CHN2: variants seen among roughly 807,000 people sequenced by gnomAD.
CHN2 encodes the protein beta-chimaerin.
A neutral mutation model predicts 56.3 loss-of-function variants in CHN2; 35 were observed. That is an observed-to-expected ratio of 0.62 (90% CI 0.47 to 0.82). The LOEUF (loss-of-function observed/expected upper bound fraction) is 0.82, where lower values mean the gene tolerates loss of function less well. Ranked by LOEUF, CHN2 falls within the 40% of genes least tolerant of loss-of-function variation. The probability of loss-of-function intolerance (pLI) is 0.00; values close to 1 mark genes in which losing one functional copy is unlikely to be tolerated. For missense variants in CHN2, 491 were observed against 580.5 expected (o/e 0.85, Z 1.58); for synonymous variants, 210 against 212.8 (o/e 0.99, Z 0.12).
At chr7:29,485,705 G>A (rs763141017) in intron 7 of CHN2, among the ~76,000 whole-genome samples, 13 of 152,102 alleles carry the variant, frequency 8.5e-5, no homozygotes, top group Non-Finnish European at 4.4e-5. Context: ...GAGAGACCTC[G>A]GGGACAGAAA....
At chr7:29,361,404 C>G (rs950172308) in intron 2 of CHN2, among the ~76,000 whole-genome samples, 1 of 152,078 alleles carries the variant, frequency 6.6e-6, no homozygotes, top group Non-Finnish European at 1.5e-5. Context: ...GCCAGGTAAC[C>G]CAGATGGCAA....
chr7:29,400,713 A>T lies in CHN2; in HGVS notation c.461A>T (p.Glu154Val). 6.2e-7 allele frequency: 1 copy of T among 1,614,178 alleles called. No individual in the cohort carries two copies. Among genetic ancestry groups the T allele is most frequent in the Non-Finnish European group, 8.5e-7 (1 of 1,180,032 alleles). ...AAAATGACAACTAACCCCATCTATGAACACATTGGATATGCCACCCTACTC... is the reference window on the plus strand; with the variant it reads ...AAAATGACAACTAACCCCATCTATGTACACATTGGATATGCCACCCTACTC... ...ISKMTTNPIY[E>V]HIGYATLLRE... The change falls in exon 6 of 13, where the codon GAA becomes GTA. Residue 154 changes from glutamate to valine, a missense_variant. Coordinates refer to ENST00000222792, the MANE Select transcript of CHN2 (RefSeq NM_004067.4).
At chr7:29,407,780 A>G (rs570832007) in intron 6 of CHN2, among the ~76,000 whole-genome samples, 6 of 152,296 alleles carry the variant, frequency 3.9e-5, no homozygotes, top group African/African-American at 1.4e-4. Flanking sequence ...ATTGTTTTAA[A>G]CCAGAATTCC....
chr7:29,265,819 T>TGTAGTACAGA (rs1328833714), intron 1 of CHN2, among the ~76,000 whole-genome samples: 1 of 152,150 alleles, frequency 6.6e-6, no homozygotes, highest in Non-Finnish European at 1.5e-5. Context: ...TCTTGATGGA[T>TGTAGTACAGA]GAGCGTAACA....
At chr7:29,190,772 C>T (rs1017994426), upstream of CHN2, among the ~76,000 whole-genome samples, 2 of 152,112 alleles carry the variant, frequency 1.3e-5, no homozygotes, top group Admixed American at 6.5e-5. Context: ...CAGCTACTAA[C>T]GTGGAAAGGA....
At chr7:29,318,407 C>G (rs1795110337) in intron 1 of CHN2, among the ~76,000 whole-genome samples, 1 of 152,190 alleles carries the variant, frequency 6.6e-6, no homozygotes, top group South Asian at 2.1e-4. Context: ...CTCTCCAGCC[C>G]TTTACAGGAA....
In CHN2 at chr7:29,369,259, G is replaced by A. The variant is rs376717684; in HGVS notation, c.144+1272G>A. 9.9e-5 allele frequency among the ~76,000 whole-genome samples: 15 copies of A among 152,164 alleles called. No individual in the cohort carries two copies. The East Asian group carries it at 1.4e-3, about 14-fold the overall frequency. ...TTATTGCCATGTGTAAGGAGGTAGAGGAGTTTAAATGTCTCAATGAAAAAA... is the reference window on the plus strand; with the variant it reads ...TTATTGCCATGTGTAAGGAGGTAGAAGAGTTTAAATGTCTCAATGAAAAAA... On this transcript the variant is annotated intron_variant, in intron 3 of 12. Coordinates refer to ENST00000222792, the MANE Select transcript of CHN2 (RefSeq NM_004067.4).
intron 1 of CHN2, among the ~76,000 whole-genome samples, chr7:29,291,329 A>C (rs529246049): frequency 1.3e-5 from 2 of 152,190 alleles, no homozygotes; most frequent in African/African-American, 2.4e-5. Flanking sequence ...TATTTAAGAG[A>C]CAGATTAACA....
intron 6 of CHN2, among the ~76,000 whole-genome samples, chr7:29,476,253 T>C (rs1453447666): frequency 6.6e-6 from 1 of 152,068 alleles, no homozygotes; most frequent in Non-Finnish European, 1.5e-5. Flanking sequence ...ATATGCAAAG[T>C]GGGCCGGGTG....
intron 2 of CHN2, among the ~76,000 whole-genome samples, chr7:29,157,943 A>G (rs1404339693): frequency 6.6e-6 from 1 of 152,186 alleles, no homozygotes; most frequent in East Asian, 1.9e-4. Context: ...ACTGTTTCTC[A>G]TTTGTGATTC....
chr7:29,493,319 C>A (rs2128563604), intron 7 of CHN2, among the ~76,000 whole-genome samples: 1 of 152,202 alleles, frequency 6.6e-6, no homozygotes, highest in South Asian at 2.1e-4. Context: ...CTATGATGAT[C>A]CCCCTCAATG....
intron 1 of CHN2, among the ~76,000 whole-genome samples, chr7:29,295,314 A>AACACACACACACACACACACACAC (rs58693628): frequency 2.8e-5 from 4 of 144,962 alleles, no homozygotes; most frequent in Admixed American, 6.9e-5. Flanking sequence ...TTTAGCTGTG[A>AACACACACACACACACACACACAC]ACACACACAC....
At chr7:29,434,476 C>G (rs894450350) in intron 6 of CHN2, among the ~76,000 whole-genome samples, 1 of 151,876 alleles carries the variant, frequency 6.6e-6, no homozygotes, top group African/African-American at 2.4e-5. Flanking sequence ...AGGATCTTCT[C>G]TGGCCTCTTC....
chr7:29,239,802 G>A (rs545490040), intron 1 of CHN2, among the ~76,000 whole-genome samples: 2 of 152,268 alleles, frequency 1.3e-5, no homozygotes, highest in South Asian at 4.1e-4. Context: ...GTGAGGTGGG[G>A]AGTTTGGGCA....
At chr7:29,427,429 A>G (rs981401408) in intron 6 of CHN2, among the ~76,000 whole-genome samples, 3 of 152,168 alleles carry the variant, frequency 2.0e-5, no homozygotes, top group Non-Finnish European at 4.4e-5. Flanking sequence ...ATCATGTAAC[A>G]TGATGTCACA....
At chr7:29,156,583 C>A (rs949432690) in intron 2 of CHN2, among the ~76,000 whole-genome samples, 1 of 152,130 alleles carries the variant, frequency 6.6e-6, no homozygotes, top group Non-Finnish European at 1.5e-5. Context: ...AAGGCATCCC[C>A]GATAAAGGTC....
intron 6 of CHN2, among the ~76,000 whole-genome samples, chr7:29,453,773 A>G (rs1784560773): frequency 6.6e-6 from 1 of 152,204 alleles, no homozygotes; most frequent in African/African-American, 2.4e-5. Context: ...TCCATCCACT[A>G]ATGAGCTATA....
chr7:29,309,604 A>G (rs1414289647), intron 1 of CHN2, among the ~76,000 whole-genome samples: 2 of 152,240 alleles, frequency 1.3e-5, no homozygotes. Flanking sequence ...CAGTCTGAGA[A>G]GTGGAATGCC....
chr7:29,361,990 C>T (rs1798772859), intron 2 of CHN2, among the ~76,000 whole-genome samples: 1 of 152,216 alleles, frequency 6.6e-6, no homozygotes, highest in Non-Finnish European at 1.5e-5. Context: ...CCTCTTTCAG[C>T]AAGGCAAAGG....
Sources: allele counts gnomAD v4.1 joint callset (sites outside exome capture counted in the v4.1 genomes callset), GRCh38; gene constraint gnomAD v4.1.1; transcripts MANE v1.5; gene names NCBI Gene and HGNC (gene_info 2026-07-23, HGNC 2026-07-21).